The following TBC1D22A variants were observed in gnomAD, a reference collection of about 807,000 sequenced individuals.
The protein encoded by TBC1D22A is TBC1 domain family member 22A, also known as putative GTPase activator.
In TBC1D22A, 38 loss-of-function variants were observed where a neutral mutation model predicts 60.2. The ratio of observed to expected loss-of-function variants is 0.63; its 90% CI spans 0.49 to 0.83. TBC1D22A has a LOEUF of 0.83. TBC1D22A is among the 40% of genes least tolerant of loss of function. The pLI, the probability that TBC1D22A is intolerant of heterozygous loss-of-function variation, is 0.00. For synonymous variants in TBC1D22A, 302 were observed against 281.7 expected (o/e 1.07, Z -0.72); for missense variants, 628 against 701.0 (o/e 0.90, Z 1.18).
At chr22:46,893,656 C>G (rs770980616) in intron 6 of TBC1D22A, among the ~76,000 whole-genome samples, 3 of 152,240 alleles carry the variant, frequency 2.0e-5, no homozygotes, top group African/African-American at 4.8e-5. Context: ...CCAGGACACC[C>G]TGATGAGAGA....
Position 46,887,749 on chromosome 22 carries a change from G to A in TBC1D22A, c.709-3517G>A, listed in dbSNP as rs78073648. Among the ~76,000 whole-genome samples, 141 of 152,238 alleles carry A rather than the reference G, an allele frequency of 9.3e-4. 1 individual carries two copies. The highest frequency in any genetic ancestry group is 3.5e-3 in the Admixed American group (53 of 15,292). Reference sequence around the variant, plus strand: ...TGGCTTTGACCTGGGTGGTATTGACGGATGTGTTCAGTTTGTGATAATGCA... The same window carrying A: ...TGGCTTTGACCTGGGTGGTATTGACAGATGTGTTCAGTTTGTGATAATGCA... On this transcript the variant is annotated intron_variant, in intron 5 of 12. Coordinates refer to ENST00000337137, the MANE Select transcript of TBC1D22A (RefSeq NM_014346.5).
intron 8 of TBC1D22A, among the ~76,000 whole-genome samples, chr22:46,950,810 G>A (rs958993632): frequency 4.6e-5 from 7 of 152,132 alleles, no homozygotes; most frequent in African/African-American, 1.2e-4. Flanking sequence ...ATGGATAACC[G>A]GGGACAATAC....
At chr22:46,851,126 T>C (rs1169853228) in intron 4 of TBC1D22A, among the ~76,000 whole-genome samples, 1 of 152,104 alleles carries the variant, frequency 6.6e-6, no homozygotes. Flanking sequence ...CATGTTAAAT[T>C]TGATGGTATG....
chr22:46,988,614 T>A (rs1273444181), intron 9 of TBC1D22A, among the ~76,000 whole-genome samples: 1 of 152,238 alleles, frequency 6.6e-6, no homozygotes, highest in Admixed American at 6.5e-5. Flanking sequence ...GAACAAAATC[T>A]TTCTTTCTGA....
At chr22:47,113,508 G>A (rs1197671980) in intron 12 of TBC1D22A, among the ~76,000 whole-genome samples, 1 of 152,150 alleles carries the variant, frequency 6.6e-6, no homozygotes, top group Non-Finnish European at 1.5e-5. Context: ...ATGTCTCATC[G>A]TCTCCAGAAA....
At chr22:46,818,206 C>T (rs1249070502) in intron 4 of TBC1D22A, among the ~76,000 whole-genome samples, 1 of 152,198 alleles carries the variant, frequency 6.6e-6, no homozygotes, top group Non-Finnish European at 1.5e-5. Context: ...GTTGCCTGTT[C>T]ATTTTGATGA....
intron 8 of TBC1D22A, among the ~76,000 whole-genome samples, chr22:46,929,724 G>GCATGCATGTA (rs2071246511): frequency 6.6e-6 from 1 of 152,076 alleles, no homozygotes; most frequent in Non-Finnish European, 1.5e-5. Flanking sequence ...GTGCGTGTGC[G>GCATGCATGTA]TGTGTGCATG....
At chr22:47,014,807 G>A (rs1053992025) in intron 10 of TBC1D22A, among the ~76,000 whole-genome samples, 1 of 152,154 alleles carries the variant, frequency 6.6e-6, no homozygotes. Context: ...TGGTGGGGGG[G>A]ACTGCTCCAG....
intron 12 of TBC1D22A, among the ~76,000 whole-genome samples, chr22:47,123,549 T>C (rs1208726955): frequency 6.6e-6 from 1 of 152,200 alleles, no homozygotes; most frequent in African/African-American, 2.4e-5. Context: ...AACCTGCCCA[T>C]TGGCTCACAG....
chr22:46,991,115 C>T (rs1045623543), intron 9 of TBC1D22A, among the ~76,000 whole-genome samples: 3 of 152,150 alleles, frequency 2.0e-5, no homozygotes, highest in Admixed American at 6.5e-5. Context: ...AACTCAGTAC[C>T]GCCTGTGCCC....
intron 8 of TBC1D22A, among the ~76,000 whole-genome samples, chr22:46,941,467 CACGGAATATATAT>C (rs1328330561): frequency 0.021 from 2,749 of 128,940 alleles, 231 homozygotes; most frequent in Non-Finnish European, 0.026. Context: ...AATATATATA[CACGGAATATATAT>C]ACGGAATATA....
rs2061671052 is a variant in TBC1D22A at position 47,009,029 on chromosome 22, A to G, written c.1201+11320A>G. Among the ~76,000 whole-genome samples, 3 of 152,196 alleles carry G rather than the reference A, an allele frequency of 2.0e-5. No individual in the cohort carries two copies. In the South Asian group the frequency reaches 6.2e-4, roughly 32 times the overall value. Reference sequence around the variant, plus strand: ...TCTGGCTTATTCTAATCTACTCTTCAGCTCTGTGGAGTAACAGCTTGGAGT... The same window carrying G: ...TCTGGCTTATTCTAATCTACTCTTCGGCTCTGTGGAGTAACAGCTTGGAGT... On this transcript the variant is annotated intron_variant, in intron 10 of 12. Transcript: ENST00000337137. This position sits in a 1 kb window ranked among gnomAD's most constrained non-coding sequence, Gnocchi z 5.8.
intron 11 of TBC1D22A, among the ~76,000 whole-genome samples, chr22:47,059,854 A>G (rs1428532310): frequency 2.0e-5 from 3 of 152,316 alleles, no homozygotes; most frequent in African/African-American, 7.2e-5. Flanking sequence ...ATCTGTGACT[A>G]TAAAAGTGCA....
chr22:47,065,897 C>T (rs1283984438), intron 11 of TBC1D22A, among the ~76,000 whole-genome samples: 2 of 152,098 alleles, frequency 1.3e-5, no homozygotes, highest in Non-Finnish European at 2.9e-5. Flanking sequence ...TGCAGTGTCC[C>T]CCTGGGAATA....
intron 12 of TBC1D22A, among the ~76,000 whole-genome samples, chr22:47,121,096 G>A (rs922260625): frequency 1.3e-5 from 2 of 152,192 alleles, no homozygotes; most frequent in African/African-American, 2.4e-5. Flanking sequence ...GAGGACAATC[G>A]GAACAGTCAG....
chr22:46,890,941 C>A (rs949941475), intron 5 of TBC1D22A, among the ~76,000 whole-genome samples: 1 of 152,118 alleles, frequency 6.6e-6, no homozygotes, highest in Non-Finnish European at 1.5e-5. Context: ...ATCTCGCAGC[C>A]CTGTTGTAGA....
intron 11 of TBC1D22A, among the ~76,000 whole-genome samples, chr22:47,057,706 T>C (rs1475226354): frequency 6.6e-6 from 1 of 152,158 alleles, no homozygotes; most frequent in Non-Finnish European, 1.5e-5. Flanking sequence ...TCAGATCTCA[T>C]GAGACTTACT....
chr22:46,870,350 C>G (rs139679804), intron 4 of TBC1D22A, among the ~76,000 whole-genome samples: 266 of 152,304 alleles, frequency 1.7e-3, no homozygotes, highest in African/African-American at 6.1e-3. Context: ...TGCAGATGAG[C>G]ATGAAATTGT....
intron 1 of TBC1D22A, among the ~76,000 whole-genome samples, chr22:46,782,444 A>T (rs563825353): frequency 6.6e-6 from 1 of 152,172 alleles, no homozygotes; most frequent in Admixed American, 6.5e-5. Context: ...CTGGGACACA[A>T]TGGGGTCAGG....
Sources: allele counts gnomAD v4.1 joint callset (sites outside exome capture counted in the v4.1 genomes callset), GRCh38; gene constraint gnomAD v4.1.1; non-coding constraint Gnocchi (gnomAD v3.1); transcripts MANE v1.5; gene names NCBI Gene and HGNC (gene_info 2026-07-23, HGNC 2026-07-21).